Variants in DSCAML1 observed in about 807,000 individuals in gnomAD.
DSCAML1 encodes the protein cell adhesion molecule DSCAML1.
Under a neutral mutation model 200.5 loss-of-function variants are expected in DSCAML1, and 38 were observed. That is an observed-to-expected ratio of 0.19 (90% confidence interval 0.15 to 0.25). The LOEUF (loss-of-function observed/expected upper bound fraction) is 0.25. Ranked by LOEUF, DSCAML1 falls within the 10% of genes least tolerant of loss-of-function variation. DSCAML1 has a pLI of 1.00. For synonymous variants in DSCAML1, 1,215 were observed against 1,165.0 expected (o/e 1.04, Z -0.87); for missense variants, 2,223 against 2,858.8 (o/e 0.78, Z 5.07).
At chr11:117,493,445 T>C (rs2049227496) in intron 11 of DSCAML1, among the ~76,000 whole-genome samples, 1 of 151,728 alleles carries the variant, frequency 6.6e-6, no homozygotes, top group African/African-American at 2.4e-5. Context: ...GCCTCCTTAG[T>C]AGCTGGGACT....
chr11:117,625,605 T>C (rs529407360), intron 3 of DSCAML1, among the ~76,000 whole-genome samples: 45 of 152,308 alleles, frequency 3.0e-4, no homozygotes, highest in African/African-American at 1.1e-3. Flanking sequence ...AGGATGCTCT[T>C]CATACTTGGC....
intron 3 of DSCAML1, among the ~76,000 whole-genome samples, chr11:117,721,515 C>G (rs563271407): frequency 6.6e-6 from 1 of 152,172 alleles, no homozygotes; most frequent in East Asian, 1.9e-4. Context: ...TGTTCTTTGG[C>G]CTGGGCCTGC....
chr11:117,635,475 CGT>C (rs1014123421), intron 3 of DSCAML1, among the ~76,000 whole-genome samples: 5 of 141,168 alleles, frequency 3.5e-5, no homozygotes, highest in African/African-American at 8.2e-5. Flanking sequence ...TGTGTGTGTG[CGT>C]GTGTGTTTAA....
intron 1 of DSCAML1, among the ~76,000 whole-genome samples, chr11:117,816,635 G>A (rs1433092949): frequency 6.6e-6 from 1 of 152,146 alleles, no homozygotes; most frequent in Non-Finnish European, 1.5e-5. Context: ...ACCACCCCCT[G>A]CCCTGGGCCT....
rs1182143268 is a variant in DSCAML1, at chr11:117,577,458, TTTCCTTCCTTCC to T, written c.512-44948_512-44937del. Among the ~76,000 whole-genome samples the T allele has an allele frequency of 5.5e-3, 316 of 57,350 alleles. 3 individuals are homozygous for T. The highest frequency in any genetic ancestry group is 0.031 in the East Asian group (62 of 2,020). 37.6% of individuals were successfully genotyped at this position (57,350 alleles called of 152,430 possible). On this transcript the variant is annotated intron_variant, in intron 3 of 32. Transcript: ENST00000651296. ...CTTCTTTCCTTCCTTCCTTCCTTCC[TTTCCTTCCTTCC>T]TTCCTTCCTTCCTTCCTTCCTTCCT...
chr11:117,583,605 T>C (rs1026346410), intron 3 of DSCAML1, among the ~76,000 whole-genome samples: 1 of 151,974 alleles, frequency 6.6e-6, no homozygotes, highest in Non-Finnish European at 1.5e-5. Context: ...TAGCCACCCC[T>C]CTCCCTGTGC....
At chr11:117,729,096 G>A (rs1005687184) in intron 3 of DSCAML1, among the ~76,000 whole-genome samples, 2 of 152,200 alleles carry the variant, frequency 1.3e-5, no homozygotes, top group Non-Finnish European at 2.9e-5. Context: ...GAATAGAAAT[G>A]AGAGTCCATA....
At chr11:117,776,508 G>T (rs1248475487) in intron 3 of DSCAML1, among the ~76,000 whole-genome samples, 2 of 152,100 alleles carry the variant, frequency 1.3e-5, no homozygotes, top group Non-Finnish European at 2.9e-5. Context: ...CCAGCAGTCA[G>T]AAAGGATGGG....
chr11:117,462,714 A>C (rs955365027), intron 17 of DSCAML1, among the ~76,000 whole-genome samples: 4 of 152,250 alleles, frequency 2.6e-5, no homozygotes, highest in African/African-American at 9.6e-5. Flanking sequence ...CCATTCGAAC[A>C]AAATGAAGGT....
chr11:117,446,118 CTG>C (rs1479662382), intron 20 of DSCAML1, among the ~76,000 whole-genome samples: 12 of 152,220 alleles, frequency 7.9e-5, no homozygotes, highest in African/African-American at 2.9e-4. Context: ...AATCCCAGCA[CTG>C]TGGGAGGCCA....
intron 3 of DSCAML1, among the ~76,000 whole-genome samples, chr11:117,609,986 G>A (rs1230871501): frequency 6.6e-6 from 1 of 152,102 alleles, no homozygotes; most frequent in African/African-American, 2.4e-5. Context: ...GTTTCACAAG[G>A]ACTGATGAGG....
intron 3 of DSCAML1, among the ~76,000 whole-genome samples, chr11:117,756,414 T>C (rs2054694208): frequency 6.6e-6 from 1 of 152,052 alleles, no homozygotes; most frequent in East Asian, 1.9e-4. Context: ...GAAGCATCCG[T>C]GAAACTCAGA....
At chr11:117,742,542 G>A (rs566179604) in intron 3 of DSCAML1, among the ~76,000 whole-genome samples, 46 of 152,326 alleles carry the variant, frequency 3.0e-4, no homozygotes, top group Admixed American at 2.7e-3. Flanking sequence ...TGGAGGAGGT[G>A]GAGGTGACTG....
Position 117,518,801 on chromosome 11 carries a change from C to T in DSCAML1, c.1214-39G>A. 1.3e-6 allele frequency: 2 copies of T among 1,576,820 alleles called. No homozygotes were observed. Among genetic ancestry groups the T allele is most frequent in the African/African-American group, 1.3e-5 (1 of 74,288 alleles). ...GAAGCCCCCTTCAGGGTCACCAAGC[C>T]ATGGAGAGACGGTCCCCCCAGCCAC... On this transcript the variant is annotated intron_variant, in intron 6 of 32. Coordinates refer to ENST00000651296, the MANE Select transcript of DSCAML1 (RefSeq NM_020693.4). The surrounding 1 kb of genome is among the most constrained non-coding windows in gnomAD (Gnocchi z 6.3).
chr11:117,650,555 G>A (rs1591362786), intron 3 of DSCAML1, among the ~76,000 whole-genome samples: 1 of 152,316 alleles, frequency 6.6e-6, no homozygotes, highest in East Asian at 1.9e-4. Flanking sequence ...GGCTGTCAGA[G>A]CCTCTGCCAG....
Position 117,685,659 on chromosome 11 carries a change from G to A in DSCAML1, c.511+91132C>T, listed in dbSNP as rs193255215. ...AGCTGTTGTGAGCTCTGAGCTCCCC[G>A]GGAGGAGACGGAAAGCACGCGTACC... On this transcript the variant is annotated intron_variant, in intron 3 of 32. Transcript: ENST00000651296. Among the ~76,000 whole-genome samples the A allele has an allele frequency of 3.9e-4, 59 of 152,312 alleles. 1 individual carries two copies. In the East Asian group the frequency reaches 8.5e-3, roughly 22 times the overall value.
intron 2 of DSCAML1, among the ~76,000 whole-genome samples, chr11:117,778,004 G>C (rs1422594481): frequency 6.6e-6 from 1 of 152,148 alleles, no homozygotes; most frequent in East Asian, 1.9e-4. Flanking sequence ...CCCTGCCATG[G>C]TTGCCAGGGT....
Position 117,437,244 on chromosome 11 carries a change from G to A in DSCAML1, c.4598C>T (p.Ser1533Phe). Reference sequence around the variant, plus strand: ...CAGTTCCGTCAGAAACACCTCCCCGGAGCTGTTGGCCCGGAGGCCCTGCCA... The same window carrying A: ...CAGTTCCGTCAGAAACACCTCCCCGAAGCTGTTGGCCCGGAGGCCCTGCCA... ...WAWQGLRANS[S>F]GEVFLTELRE... is the part of the protein sequence containing the mutation. The change falls in exon 26 of 33, where the codon TCC (serine) becomes TTC (phenylalanine). Residue 1533 changes from serine to phenylalanine, a missense_variant. Physicochemically the swap from Ser to Phe is radical, Grantham distance 155 (BLOSUM62 -2). Coordinates refer to ENST00000651296, the MANE Select transcript of DSCAML1 (RefSeq NM_020693.4). The surrounding 1 kb of genome is among the most constrained non-coding windows in gnomAD (Gnocchi z 5.3). The A allele has an allele frequency of 6.2e-7, 1 of 1,614,208 alleles. No homozygotes were observed. The highest frequency in any genetic ancestry group is 8.5e-7 in the Non-Finnish European group (1 of 1,180,048).
chr11:117,810,860 C>T (rs1319797413), intron 1 of DSCAML1, among the ~76,000 whole-genome samples: 2 of 152,118 alleles, frequency 1.3e-5, no homozygotes, highest in African/African-American at 2.4e-5. Flanking sequence ...CAACTCGTCC[C>T]AAATCTTCCT....
Sources: allele counts gnomAD v4.1 joint callset (sites outside exome capture counted in the v4.1 genomes callset), GRCh38; gene constraint gnomAD v4.1.1; non-coding constraint Gnocchi (gnomAD v3.1); transcripts MANE v1.5; gene names NCBI Gene and HGNC (gene_info 2026-07-23, HGNC 2026-07-21).